KLHL7: variants seen among roughly 807,000 people sequenced by gnomAD.
KLHL7 encodes kelch-like protein 7.
A neutral mutation model predicts 67.4 loss-of-function variants in KLHL7; 44 were observed. The ratio of observed to expected loss-of-function variants is 0.65; its 90% confidence interval spans 0.51 to 0.84. The LOEUF is 0.84. Ranked by LOEUF, KLHL7 falls within the 40% of genes least tolerant of loss-of-function variation. KLHL7 has a pLI of 0.00. For missense variants in KLHL7, 362 were observed against 718.1 expected, an observed-to-expected ratio of 0.50 and a Z score of 5.67; for synonymous variants, 252 against 243.3, an observed-to-expected ratio of 1.04 and a Z score of -0.33.
chr7:23,136,481 A>G (rs965964573), intron 4 of KLHL7, among the ~76,000 whole-genome samples: 8 of 152,232 alleles, frequency 5.3e-5, no homozygotes, highest in Non-Finnish European at 1.2e-4. Context: ...GATTTTAAAA[A>G]GAAGGATTTG....
At chr7:23,155,796 G>A (rs1159080499) in intron 7 of KLHL7, among the ~76,000 whole-genome samples, 7 of 152,198 alleles carry the variant, frequency 4.6e-5, no homozygotes, top group African/African-American at 1.7e-4. Flanking sequence ...ATTAAGCCAA[G>A]TGTTGGTGGA....
chr7:23,119,354 G>A (rs759826262), intron 1 of KLHL7, among the ~76,000 whole-genome samples: 34 of 152,020 alleles, frequency 2.2e-4, no homozygotes, highest in Non-Finnish European at 1.3e-4. Flanking sequence ...ACAGGCGTGC[G>A]CCACCACGTC....
At chr7:23,106,389 C>T (rs1040502574) in intron 1 of KLHL7, 1 of 1,349,708 alleles carries the variant, frequency 7.4e-7, no homozygotes, top group Non-Finnish European at 9.6e-7. Flanking sequence ...CTGGGGGACT[C>T]CTCAGGCTGG....
At chr7:23,134,883 CTT>C (rs1206510865) in intron 4 of KLHL7, among the ~76,000 whole-genome samples, 1 of 151,928 alleles carries the variant, frequency 6.6e-6, no homozygotes, top group Non-Finnish European at 1.5e-5. Context: ...TTTGTTTTAA[CTT>C]TTCAAAAAAA....
chr7:23,158,698 G>A (rs765689409), intron 7 of KLHL7, among the ~76,000 whole-genome samples: 1 of 152,224 alleles, frequency 6.6e-6, no homozygotes, highest in Non-Finnish European at 1.5e-5. Context: ...GGATATGAAA[G>A]ACACATACTA....
chr7:23,105,815 T>G lies in KLHL7; in HGVS notation c.-212T>G, dbSNP rs1782606497. The G allele has an allele frequency of 3.0e-6, 2 of 657,608 alleles. No homozygotes were observed. The highest frequency in any genetic ancestry group is 1.7e-5 in the South Asian group (1 of 57,566). 40.7% of individuals were successfully genotyped at this position (657,608 alleles called of 1,614,324 possible). Reference sequence around the variant, plus strand: ...CTGCCCGGGGACGCAGCCCAGTTGGTAGCGTCGCTCCCTGAGCGTTTCTAA... The same window carrying G: ...CTGCCCGGGGACGCAGCCCAGTTGGGAGCGTCGCTCCCTGAGCGTTTCTAA... On this transcript the variant is annotated 5_prime_UTR_variant, in exon 1 of 11. Coordinates refer to ENST00000339077, the MANE Select transcript of KLHL7 (RefSeq NM_001031710.3).
At chr7:23,131,182 A>G (rs1036231654) in intron 4 of KLHL7, among the ~76,000 whole-genome samples, 2 of 152,176 alleles carry the variant, frequency 1.3e-5, no homozygotes, top group Non-Finnish European at 2.9e-5. Context: ...GGCCAATATG[A>G]GAGGTGGAGA....
chr7:23,156,480 A>G (rs906722828), intron 7 of KLHL7, among the ~76,000 whole-genome samples: 2 of 152,210 alleles, frequency 1.3e-5, no homozygotes, highest in African/African-American at 2.4e-5. Context: ...ATGTCTTACG[A>G]TATTAATACC....
chr7:23,119,609 A>G (rs1249263107), intron 1 of KLHL7, among the ~76,000 whole-genome samples: 4 of 152,228 alleles, frequency 2.6e-5, no homozygotes, highest in Non-Finnish European at 4.4e-5. Context: ...ACACCATTAC[A>G]ATATCCTACA....
intron 7 of KLHL7, among the ~76,000 whole-genome samples, chr7:23,160,452 A>G (rs1461008031): frequency 6.6e-6 from 1 of 152,236 alleles, no homozygotes; most frequent in Non-Finnish European, 1.5e-5. Flanking sequence ...GGAGACAGGA[A>G]GAACATTTTG....
chr7:23,118,330 A>G (rs536850092), intron 1 of KLHL7, among the ~76,000 whole-genome samples: 2 of 152,322 alleles, frequency 1.3e-5, no homozygotes, highest in Non-Finnish European at 2.9e-5. Context: ...CGTCACTACT[A>G]GTTCTAACTA....
intron 4 of KLHL7, among the ~76,000 whole-genome samples, chr7:23,138,242 T>C (rs1314692356): frequency 6.7e-6 from 1 of 148,338 alleles, no homozygotes; most frequent in Non-Finnish European, 1.5e-5. Flanking sequence ...GGCGGGTGGA[T>C]CATGAGGTCA....
In KLHL7 at chr7:23,152,194, A is replaced by G. The variant is rs1784557340; in HGVS notation, c.921A>G (p.Arg307=). ...GAGGCTCTCAACCACAGTCTTGTAG[A>G]TATTTTAACCCAAAGGTAACTAATT... ...LFGGSQPQSC[R]YFNPKDYSWT... Residue 307 remains arginine, a synonymous_variant, in exon 7 of 11, where the codon AGA becomes AGG. Coordinates refer to ENST00000339077, the MANE Select transcript of KLHL7 (RefSeq NM_001031710.3). 3 of 1,613,948 alleles carry G rather than the reference A, an allele frequency of 1.9e-6. No individual in the cohort carries two copies. Among genetic ancestry groups the G allele is most frequent in the Non-Finnish European group, 2.5e-6 (3 of 1,179,828 alleles).
intron 1 of KLHL7, among the ~76,000 whole-genome samples, chr7:23,110,415 A>G (rs1782817166): frequency 6.6e-6 from 1 of 152,050 alleles, no homozygotes; most frequent in Non-Finnish European, 1.5e-5. Flanking sequence ...TGGTTATTCC[A>G]TCTTTGTTGA....
At chr7:23,171,920 A>G (rs1014072223) in intron 9 of KLHL7, among the ~76,000 whole-genome samples, 1 of 152,238 alleles carries the variant, frequency 6.6e-6, no homozygotes, top group African/African-American at 2.4e-5. Flanking sequence ...CGTGTTAGCC[A>G]GGATGGTCTC....
At position 23,117,661 on chromosome 7, in the gene KLHL7, A is replaced by C. The variant is rs181522425; in HGVS notation, c.121-6116A>C. On this transcript the variant is annotated intron_variant, in intron 1 of 10. Transcript: ENST00000339077. ...CTTATTCTAATTGTGTATGTGTTTA[A>C]GTTCAATCCTGTTTTTCTCTGCTTT... 1.5e-4 allele frequency among the ~76,000 whole-genome samples: 23 copies of C among 152,178 alleles called. 1 individual carries two copies. In the East Asian group the frequency reaches 4.4e-3, roughly 29 times the overall value.
At chr7:23,107,074 AC>A (rs1320887162) in intron 1 of KLHL7, among the ~76,000 whole-genome samples, 1 of 152,164 alleles carries the variant, frequency 6.6e-6, no homozygotes, top group Non-Finnish European at 1.5e-5. Flanking sequence ...AATATGGGCA[AC>A]AGTAGAGGAA....
rs1214064997 is a variant in KLHL7 at position 23,106,000 on chromosome 7, C to A, written c.-27C>A. ...CGACCCCTCGCCCGGCCCGGCGAGCCCCGGGCGTGAACCGAGCTGAGGGAG... is the reference window on the plus strand; with the variant it reads ...CGACCCCTCGCCCGGCCCGGCGAGCACCGGGCGTGAACCGAGCTGAGGGAG... On this transcript the variant is annotated 5_prime_UTR_variant, in exon 1 of 11. Transcript: ENST00000339077. 2 of 1,605,842 alleles carry A rather than the reference C, an allele frequency of 1.2e-6. No homozygotes were observed. The highest frequency in any genetic ancestry group is 1.7e-5 in the Admixed American group (1 of 58,874).
intron 1 of KLHL7, among the ~76,000 whole-genome samples, chr7:23,118,979 G>C (rs1783215825): frequency 6.6e-6 from 1 of 152,140 alleles, no homozygotes; most frequent in Non-Finnish European, 1.5e-5. Flanking sequence ...CGAGGGGTGG[G>C]AGGATCACTT....
Sources: gnomAD v4.1 joint callset for allele counts (sites outside exome capture counted in the v4.1 genomes callset) on GRCh38, gnomAD v4.1.1 for gene constraint, MANE v1.5 for transcripts, NCBI Gene and HGNC (gene_info 2026-07-23, HGNC 2026-07-21) for gene names.